Variants in ZNF189 observed in about 807,000 individuals in gnomAD.
ZNF189 encodes zinc finger protein 189.
Under a neutral mutation model 53.5 loss-of-function variants are expected in ZNF189, and 33 were observed. The ratio of observed to expected loss-of-function variants is 0.62; its 90% confidence interval spans 0.47 to 0.82. The LOEUF (loss-of-function observed/expected upper bound fraction) is 0.82, where lower values mean the gene tolerates loss of function less well. Ranked by LOEUF, ZNF189 falls within the 40% of genes least tolerant of loss-of-function variation. ZNF189 has a pLI of 0.00. For missense variants in ZNF189, 711 were observed against 753.9 expected (o/e 0.94, Z 0.67); for synonymous variants, 247 against 238.8 (o/e 1.03, Z -0.32).
At chr9:101,400,970 GT>G (rs1180597232) in intron 2 of ZNF189, among the ~76,000 whole-genome samples, 2 of 152,170 alleles carry the variant, frequency 1.3e-5, no homozygotes, top group Admixed American at 6.5e-5. Context: ...TGACGTCTCT[GT>G]TTTTTCACTG....
At chr9:101,399,418 G>A in intron 1 of ZNF189, 8 of 1,365,438 alleles carry the variant, frequency 5.9e-6, no homozygotes, top group Non-Finnish European at 7.5e-6. Flanking sequence ...ATCGGCCTGA[G>A]AAAATAAGTA....
rs1830848156 is a variant in ZNF189, at chr9:101,409,312, G to C, written c.1544G>C (p.Arg515Thr). 1 of 1,614,014 alleles carries C rather than the reference G, an allele frequency of 6.2e-7. No homozygotes were observed. Among genetic ancestry groups the C allele is most frequent in the Admixed American group, 1.7e-5 (1 of 59,984 alleles). The part of the protein sequence containing the change: ...IHTGERPYLC[R>T]QCGKSFSQLC... ...ACTGGTGAGAGACCCTATCTGTGCA[G>C]ACAGTGTGGAAAAAGCTTTAGTCAG... Residue 515 changes from arginine to threonine, a missense_variant, in exon 3 of 3, where the codon AGA becomes ACA. Transcript: ENST00000339664.
chr9:101,405,694 G>A (rs2777347), intron 2 of ZNF189, among the ~76,000 whole-genome samples: 82,316 of 151,984 alleles, frequency 0.54, 22,421 homozygotes, highest in South Asian at 0.66. Context: ...AAAAGAATGT[G>A]GTAGTGTAGA....
In ZNF189 at chr9:101,409,769, A is replaced by G. The variant is rs1830872916; in HGVS notation, c.*120A>G. The G allele has an allele frequency of 8.6e-7, 1 of 1,157,660 alleles. No homozygotes were observed. The highest frequency in any genetic ancestry group is 1.6e-5 in the African/African-American group (1 of 64,232). The allele number at this position is 1,157,660 out of a possible 1,614,324, so 71.7% of individuals were successfully genotyped here. On this transcript the variant is annotated 3_prime_UTR_variant, in exon 3 of 3. Transcript: ENST00000339664. ...AAATTCTCCTTGGCCTCAGGCAAATAGTTTCTAAAGATTCTGTGAATAGTG... is the reference window on the plus strand; with the variant it reads ...AAATTCTCCTTGGCCTCAGGCAAATGGTTTCTAAAGATTCTGTGAATAGTG...
chr9:101,404,173 C>T (rs1335629519), intron 2 of ZNF189, among the ~76,000 whole-genome samples: 1 of 152,172 alleles, frequency 6.6e-6, no homozygotes, highest in Non-Finnish European at 1.5e-5. Context: ...GGAAGCCTTA[C>T]TCTTGTTTTT....
chr9:101,408,829 G>T lies in ZNF189; in HGVS notation c.1061G>T (p.Ser354Ile). ...TGTATTGAGTGTGGAAAAAGTTTCAGTCGGAGCTCATTCCTTATTGAACAT... is the reference window on the plus strand; with the variant it reads ...TGTATTGAGTGTGGAAAAAGTTTCATTCGGAGCTCATTCCTTATTGAACAT... ...FLCIECGKSF[S>I]RSSFLIEHQR... The change falls in exon 3 of 3, where the codon AGT (serine) becomes ATT (isoleucine). Residue 354 changes from serine (S) to isoleucine (I), a missense_variant. By Grantham distance (142) the Ser-to-Ile change is moderately radical. Coordinates refer to ENST00000339664, the MANE Select transcript of ZNF189 (RefSeq NM_003452.4). 2 of 1,614,160 alleles carry T rather than the reference G, an allele frequency of 1.2e-6. No individual in the cohort carries two copies. The highest frequency in any genetic ancestry group is 1.7e-6 in the Non-Finnish European group (2 of 1,180,028).
rs1403086626 is a variant in ZNF189, at chr9:101,409,508, G to A, written c.1740G>A (p.Gln580=). The A allele has an allele frequency of 6.2e-7, 1 of 1,614,064 alleles. No individual in the cohort carries two copies. Residue 580 remains glutamine, a synonymous_variant, in exon 3 of 3, where the codon CAG becomes CAA. Transcript: ENST00000339664. ...CEKCDKSFSQ[Q]RSLVNHQKIH... ...AGTGCGACAAAAGTTTCAGTCAACA[G>A]CGCAGTCTTGTCAACCATCAGAAGA...
In ZNF189 at chr9:101,408,263, A is replaced by G; in HGVS notation, c.495A>G (p.Gln165=). Residue 165 remains glutamine (Q), a synonymous_variant, in exon 3 of 3, where the codon CAA becomes CAG. Transcript: ENST00000339664. ...KGFVRKAHFI[Q]HQRVHTGEKP... is the part of the protein sequence containing the mutation. ...TTGTCCGCAAGGCCCATTTCATTCA[A>G]CATCAAAGGGTCCATACTGGTGAGA... 6.2e-7 allele frequency: 1 copy of G among 1,614,226 alleles called. No homozygotes were observed. Among genetic ancestry groups the G allele is most frequent in the East Asian group, 2.2e-5 (1 of 44,880 alleles).
intron 2 of ZNF189, among the ~76,000 whole-genome samples, chr9:101,400,949 T>TTCCTG (rs1830510417): frequency 6.6e-6 from 1 of 152,224 alleles, no homozygotes; most frequent in Non-Finnish European, 1.5e-5. Flanking sequence ...TTAACGATGT[T>TTCCTG]TCCTGTCCCT....
chr9:101,406,473 A>C (rs1830714069), intron 2 of ZNF189, among the ~76,000 whole-genome samples: 1 of 152,350 alleles, frequency 6.6e-6, no homozygotes, highest in South Asian at 2.1e-4. Flanking sequence ...GGTAGAGGAC[A>C]GAAAGTTGAG....
chr9:101,399,255 C>T (rs1338646617), intron 1 of ZNF189, 66 bp downstream of exon 1: 3 of 1,433,440 alleles, frequency 2.1e-6, no homozygotes, highest in Admixed American at 2.1e-5. Context: ...CGCACCACTG[C>T]TTTCTCCCCC....
intron 2 of ZNF189, chr9:101,407,643 C>T (rs1479953633): frequency 9.3e-6 from 4 of 428,174 alleles, no homozygotes; most frequent in Non-Finnish European, 1.6e-5. Context: ...GATCCTCCCA[C>T]CTCACTCTCC....
chr9:101,399,380 T>G, intron 1 of ZNF189, 191 bp downstream of exon 1: 1 of 1,377,916 alleles, frequency 7.3e-7, no homozygotes, highest in Non-Finnish European at 9.3e-7. Context: ...TCCCTTTTTT[T>G]TTTTCTTTTT....
rs759743208 is a variant in ZNF189, at chr9:101,409,322, A to G, written c.1554A>G (p.Gly518=). 2.6e-5 allele frequency: 42 copies of G among 1,614,076 alleles called. No homozygotes were observed. In the South Asian group the frequency reaches 4.5e-4, roughly 17 times the overall value. ...GACCCTATCTGTGCAGACAGTGTGG[A>G]AAAAGCTTTAGTCAGCTTTGTAATC... is the stretch of plus-strand genomic sequence containing the variant. ...GERPYLCRQC[G]KSFSQLCNLI... Residue 518 remains glycine (G), a synonymous_variant, in exon 3 of 3, where the codon GGA becomes GGG. Transcript: ENST00000339664.
At chr9:101,403,098 A>G (rs992937654) in intron 2 of ZNF189, among the ~76,000 whole-genome samples, 18 of 148,676 alleles carry the variant, frequency 1.2e-4, no homozygotes, top group African/African-American at 3.0e-4. Context: ...AGCTGCTGAT[A>G]TGTGTGTGTG....
At chr9:101,399,733 TC>T in intron 1 of ZNF189, 150 bp from the exon 2 acceptor site, 1 of 1,333,336 alleles carries the variant, frequency 7.5e-7, no homozygotes, top group Middle Eastern at 2.6e-4. Flanking sequence ...CAGTTACAGT[TC>T]GTTCCCAGAA....
chr9:101,401,334 A>T (rs1258047169), intron 2 of ZNF189, among the ~76,000 whole-genome samples: 1 of 152,226 alleles, frequency 6.6e-6, no homozygotes, highest in Non-Finnish European at 1.5e-5. Flanking sequence ...TCTCAGAGAA[A>T]ATAAAGGCCA....
Position 101,399,172 on chromosome 9 carries a change from C to T in ZNF189, c.16C>T (p.Pro6Ser), listed in dbSNP as rs1830433580. The change falls in exon 1 of 3, where the codon CCC becomes TCC. Residue 6 changes from proline to serine, a missense_variant. Physicochemically the swap from Pro to Ser is moderately conservative, Grantham distance 74. Coordinates refer to ENST00000339664, the MANE Select transcript of ZNF189 (RefSeq NM_003452.4). The stretch of plus-strand genomic sequence containing the variant: ...TGCCTGGGAGATGGCTTCCCCGAGC[C>T]CCCCGCCGGAGTCGAAGGTAAGTAA... MASPS[P>S]PPESKGLLTF... 6.3e-7 allele frequency: 1 copy of T among 1,593,930 alleles called. No homozygotes were observed. The highest frequency in any genetic ancestry group is 8.6e-7 in the Non-Finnish European group (1 of 1,163,440).
intron 2 of ZNF189, among the ~76,000 whole-genome samples, chr9:101,400,554 C>T (rs757050389): frequency 1.2e-4 from 19 of 152,232 alleles, no homozygotes; most frequent in Non-Finnish European, 2.5e-4. Context: ...TTTGAGGTCT[C>T]AGCAGTCTTG....
Sources: gnomAD v4.1 joint callset for allele counts (sites outside exome capture counted in the v4.1 genomes callset) on GRCh38, gnomAD v4.1.1 for gene constraint, MANE v1.5 for transcripts, NCBI Gene and HGNC (gene_info 2026-07-23, HGNC 2026-07-21) for gene names.